SLC35F3: variants seen among roughly 807,000 people sequenced by gnomAD.
SLC35F3 encodes solute carrier family 35 member F3.
A neutral mutation model predicts 49.9 loss-of-function variants in SLC35F3; 25 were observed. That is an observed-to-expected ratio of 0.50 (90% confidence interval 0.37 to 0.70). The LOEUF (loss-of-function observed/expected upper bound fraction) is 0.70, where lower values mean the gene tolerates loss of function less well. Among genes scored for constraint, SLC35F3 ranks in the 30% least tolerant of loss-of-function variants. SLC35F3 has a pLI of 0.00. For synonymous variants in SLC35F3, 275 were observed against 265.4 expected (o/e 1.04, Z -0.35); for missense variants, 525 against 639.8 (o/e 0.82, Z 1.94).
intron 2 of SLC35F3, among the ~76,000 whole-genome samples, chr1:234,092,554 A>G (rs569071230): frequency 6.6e-6 from 1 of 152,306 alleles, no homozygotes; most frequent in South Asian, 2.1e-4. Context: ...TTGGATTGCA[A>G]AGTGCTGCGA....
intron 3 of SLC35F3, among the ~76,000 whole-genome samples, chr1:234,246,759 A>G (rs1227346422): frequency 2.6e-5 from 4 of 152,254 alleles, no homozygotes; most frequent in Admixed American, 6.5e-5. Context: ...AGAAACAGCC[A>G]TATGCTGAGT....
At chr1:234,271,176 G>A (rs1668096754) in intron 3 of SLC35F3, among the ~76,000 whole-genome samples, 1 of 152,210 alleles carries the variant, frequency 6.6e-6, no homozygotes. Context: ...TTAAAGATGT[G>A]TGGGAAATAT....
chr1:234,313,004 G>A (rs1351635182), intron 4 of SLC35F3, among the ~76,000 whole-genome samples: 1 of 152,038 alleles, frequency 6.6e-6, no homozygotes, highest in Admixed American at 6.5e-5. Flanking sequence ...AACCTCCTGA[G>A]TAGCTGGTAG....
intron 2 of SLC35F3, among the ~76,000 whole-genome samples, chr1:233,943,539 G>A (rs1662464258): frequency 6.6e-6 from 1 of 152,200 alleles, no homozygotes; most frequent in Admixed American, 6.5e-5. Flanking sequence ...AAATGGATGA[G>A]TGTTGCAAAT....
At chr1:234,023,459 T>A (rs1264423851) in intron 2 of SLC35F3, among the ~76,000 whole-genome samples, 1 of 152,022 alleles carries the variant, frequency 6.6e-6, no homozygotes, top group African/African-American at 2.4e-5. Flanking sequence ...ATGTATGAAA[T>A]AAATATGCAT....
intron 2 of SLC35F3, among the ~76,000 whole-genome samples, chr1:234,045,158 T>C (rs1664271442): frequency 6.6e-6 from 1 of 152,186 alleles, no homozygotes; most frequent in Non-Finnish European, 1.5e-5. Flanking sequence ...GCCTGCCTTC[T>C]AGAACTCATT....
intron 2 of SLC35F3, among the ~76,000 whole-genome samples, chr1:234,224,820 A>T (rs929837152): frequency 3.3e-5 from 5 of 152,358 alleles, no homozygotes; most frequent in Admixed American, 3.3e-4. Flanking sequence ...CACCATCATG[A>T]TGGATATAAA....
intron 2 of SLC35F3, among the ~76,000 whole-genome samples, chr1:234,116,773 C>T (rs568266264): frequency 1.3e-5 from 2 of 152,332 alleles, no homozygotes; most frequent in South Asian, 4.1e-4. Flanking sequence ...CTTGGCCTCC[C>T]AAAGTGCTGG....
In SLC35F3 at chr1:234,112,556, C is replaced by CTTT. The variant is rs777353110; in HGVS notation, c.284-118846_284-118844dup. On this transcript the variant is annotated intron_variant, in intron 2 of 7. Coordinates refer to ENST00000366618, the MANE Select transcript of SLC35F3 (RefSeq NM_173508.4). Reference sequence around the variant, plus strand: ...TTTTGTGAAGTTTATAATTCACACTCTTTTTTTTTTTTTTTTTGAGACAGA... The same window carrying CTTT: ...TTTTGTGAAGTTTATAATTCACACTCTTTTTTTTTTTTTTTTTTTTGAGACAGA... Among the ~76,000 whole-genome samples the CTTT allele has an allele frequency of 5.6e-4, 65 of 116,358 alleles. 2 individuals are homozygous for CTTT. Among genetic ancestry groups the CTTT allele is most frequent in the East Asian group, 3.7e-3 (14 of 3,802 alleles). The allele number at this position is 116,358 out of a possible 152,430, so 76.3% of individuals were successfully genotyped here.
At chr1:234,186,108 G>A (rs552312578) in intron 2 of SLC35F3, among the ~76,000 whole-genome samples, 2 of 152,316 alleles carry the variant, frequency 1.3e-5, no homozygotes, top group South Asian at 4.1e-4. Context: ...CTCAGCTGCA[G>A]CGAATGTTCT....
At chr1:234,266,632 G>A (rs1274609949) in intron 3 of SLC35F3, among the ~76,000 whole-genome samples, 6 of 152,140 alleles carry the variant, frequency 3.9e-5, no homozygotes, top group South Asian at 2.1e-4. Context: ...AAGCCTCGAC[G>A]GTATAGCCTG....
chr1:234,012,823 A>C (rs1030428550), intron 2 of SLC35F3, among the ~76,000 whole-genome samples: 1 of 152,208 alleles, frequency 6.6e-6, no homozygotes, highest in Non-Finnish European at 1.5e-5. Flanking sequence ...CCCTACAAGC[A>C]CCTAAATATA....
chr1:234,288,965 C>T (rs952849745), intron 3 of SLC35F3, among the ~76,000 whole-genome samples: 1 of 152,196 alleles, frequency 6.6e-6, no homozygotes, highest in South Asian at 2.1e-4. Context: ...CATTCAGAAG[C>T]TCTGGCTTCC....
At chr1:233,936,166 A>G (rs935801125) in intron 2 of SLC35F3, among the ~76,000 whole-genome samples, 1 of 152,240 alleles carries the variant, frequency 6.6e-6, no homozygotes, top group African/African-American at 2.4e-5. Context: ...ATTATTACCT[A>G]TCTGAGATCA....
In SLC35F3 at chr1:234,178,031, C is replaced by T. The variant is rs140049245; in HGVS notation, c.284-53386C>T. 5.0e-3 allele frequency among the ~76,000 whole-genome samples: 760 copies of T among 152,262 alleles called. 6 individuals carry two copies. The highest frequency in any genetic ancestry group is 0.017 in the Middle Eastern group (5 of 294). ...ATCACACTGTAACCCTTTCCAGAAACCAAATTCATAACTTGAGAATGCTAA... is the reference window on the plus strand; with the variant it reads ...ATCACACTGTAACCCTTTCCAGAAATCAAATTCATAACTTGAGAATGCTAA... On this transcript the variant is annotated intron_variant, in intron 2 of 7. Transcript: ENST00000366618.
intron 3 of SLC35F3, among the ~76,000 whole-genome samples, chr1:234,308,054 G>T (rs1244417066): frequency 1.3e-5 from 2 of 152,126 alleles, no homozygotes; most frequent in Non-Finnish European, 2.9e-5. Context: ...GGCATCAAAA[G>T]ACTTTCTTCT....
At chr1:234,301,110 G>A (rs1353724963) in intron 3 of SLC35F3, among the ~76,000 whole-genome samples, 5 of 152,328 alleles carry the variant, frequency 3.3e-5, no homozygotes, top group African/African-American at 1.2e-4. Flanking sequence ...ATCTGGGAAT[G>A]TCCAGGCAAG....
At chr1:234,088,137 G>A (rs998810051) in intron 2 of SLC35F3, among the ~76,000 whole-genome samples, 1 of 152,190 alleles carries the variant, frequency 6.6e-6, no homozygotes, top group Non-Finnish European at 1.5e-5. Flanking sequence ...TTTGCAGATA[G>A]AAGGTACTCA....
chr1:234,008,937 T>C (rs1172066855), intron 2 of SLC35F3, among the ~76,000 whole-genome samples: 1 of 152,246 alleles, frequency 6.6e-6, no homozygotes, highest in Non-Finnish European at 1.5e-5. Context: ...TGTTCCCTTT[T>C]CCTTTTTTCT....
Sources: allele counts gnomAD v4.1 joint callset (sites outside exome capture counted in the v4.1 genomes callset), GRCh38; gene constraint gnomAD v4.1.1; transcripts MANE v1.5; gene names NCBI Gene and HGNC (gene_info 2026-07-23, HGNC 2026-07-21).